RFX7: variants seen among roughly 807,000 people sequenced by gnomAD.
The protein encoded by RFX7 is DNA-binding protein RFX7.
RFX7 carries 26 observed loss-of-function variants against 111.8 expected under a neutral mutation model. That is an observed-to-expected ratio of 0.23 (90% CI 0.17 to 0.32). The LOEUF is 0.32. RFX7 is among the 10% of genes least tolerant of loss of function. The pLI is 1.00. For synonymous variants in RFX7, 624 were observed against 624.4 expected (o/e 1.00, Z 0.01); for missense variants, 1,573 against 1,772.9 (o/e 0.89, Z 2.02).
At chr15:56,238,839 T>C (rs1293497542) in intron 2 of RFX7, among the ~76,000 whole-genome samples, 1 of 152,180 alleles carries the variant, frequency 6.6e-6, no homozygotes, top group African/African-American at 2.4e-5. Flanking sequence ...TTATTATTTT[T>C]AGTTTTTTAT....
chr15:56,108,621 C>G (rs569173023), intron 5 of RFX7, among the ~76,000 whole-genome samples: 3 of 152,250 alleles, frequency 2.0e-5, no homozygotes, highest in Non-Finnish European at 4.4e-5. Context: ...TGGAAGCATT[C>G]CTTTTGAAAA....
chr15:56,168,178 T>C (rs1307439607), intron 3 of RFX7, among the ~76,000 whole-genome samples: 2 of 152,188 alleles, frequency 1.3e-5, no homozygotes, highest in East Asian at 1.9e-4. Context: ...ATCTGCAAAA[T>C]GACAATGATG....
intron 2 of RFX7, among the ~76,000 whole-genome samples, chr15:56,206,874 G>T (rs1378649253): frequency 6.6e-6 from 1 of 151,884 alleles, no homozygotes; most frequent in African/African-American, 2.4e-5. Context: ...TTGGGGTTGG[G>T]GGTGGGGTGT....
chr15:56,200,884 A>G (rs959536678), intron 2 of RFX7, among the ~76,000 whole-genome samples: 4 of 152,158 alleles, frequency 2.6e-5, no homozygotes, highest in Admixed American at 2.6e-4. Flanking sequence ...AATTTTTTGA[A>G]TGTACTTTAG....
chr15:56,153,908 A>C (rs1214494622), intron 3 of RFX7, among the ~76,000 whole-genome samples: 7 of 152,226 alleles, frequency 4.6e-5, no homozygotes, highest in African/African-American at 1.4e-4. Context: ...ATCTCAGCCC[A>C]AAATCTCCTT....
intron 3 of RFX7, among the ~76,000 whole-genome samples, chr15:56,177,307 C>G (rs1209002026): frequency 2.6e-5 from 4 of 152,110 alleles, no homozygotes; most frequent in Non-Finnish European, 4.4e-5. Flanking sequence ...GTTACCCTAC[C>G]CACCATCACT....
intron 5 of RFX7, among the ~76,000 whole-genome samples, chr15:56,142,458 G>GATAC (rs1555421148): frequency 6.6e-6 from 1 of 152,070 alleles, no homozygotes; most frequent in Non-Finnish European, 1.5e-5. Context: ...TCTAACCCCA[G>GATAC]ATACACACTC....
rs112179312 is a variant in RFX7 at position 56,199,669 on chromosome 15, C to G, written c.162-20366G>C. 1.8e-3 allele frequency among the ~76,000 whole-genome samples: 270 copies of G among 152,098 alleles called. 1 individual carries two copies. The highest frequency in any genetic ancestry group is 3.3e-3 in the Non-Finnish European group (226 of 67,986). ...AAATAAATTTATTTAGTAAGAAACA[C>G]CATGGTAAATATAGCAGGAACCAAA... On this transcript the variant is annotated intron_variant, in intron 2 of 9. Coordinates refer to ENST00000559447, the MANE Select transcript of RFX7 (RefSeq NM_022841.7).
intron 2 of RFX7, among the ~76,000 whole-genome samples, chr15:56,189,484 G>A (rs763996130): frequency 6.6e-6 from 1 of 151,432 alleles, no homozygotes; most frequent in Non-Finnish European, 1.5e-5. Context: ...TAAAATACTC[G>A]AAAAACATAT....
chr15:56,145,186 T>TA (rs2042451466), intron 3 of RFX7, among the ~76,000 whole-genome samples: 1 of 152,180 alleles, frequency 6.6e-6, no homozygotes, highest in Non-Finnish European at 1.5e-5. Context: ...TTCCTACCTT[T>TA]CTTCTAAACT....
chr15:56,144,852 G>A (rs1451134764), intron 3 of RFX7, among the ~76,000 whole-genome samples: 5 of 152,092 alleles, frequency 3.3e-5, no homozygotes, highest in South Asian at 2.1e-4. Context: ...TTAACTAACC[G>A]TTAACTGGCT....
intron 5 of RFX7, among the ~76,000 whole-genome samples, chr15:56,127,483 G>T (rs1198085586): frequency 6.8e-6 from 1 of 147,952 alleles, no homozygotes; most frequent in South Asian, 2.1e-4. Flanking sequence ...CTAGTGGAAA[G>T]AAATATAATA....
At chr15:56,141,656 A>AATAAATAAATATATATATATATAT (rs1555421060) in intron 5 of RFX7, among the ~76,000 whole-genome samples, 1 of 83,210 alleles carries the variant, frequency 1.2e-5, no homozygotes, top group Non-Finnish European at 2.2e-5. Context: ...GCTTACTCTA[A>AATAAATAAATATATATATATATAT]ATATATATAT....
intron 5 of RFX7, among the ~76,000 whole-genome samples, chr15:56,127,705 G>T (rs2042162658): frequency 6.6e-6 from 1 of 151,674 alleles, no homozygotes; most frequent in African/African-American, 2.4e-5. Context: ...GCGCCACCAT[G>T]CCCGGCTAAT....
chr15:56,239,984 CT>C (rs5812831), intron 2 of RFX7, among the ~76,000 whole-genome samples: 11,977 of 120,582 alleles, frequency 0.099, 361 homozygotes, highest in African/African-American at 0.13. Flanking sequence ...TTTGGTATTT[CT>C]TTTTTTTTTT....
chr15:56,213,544 G>C (rs1311144669), intron 2 of RFX7, among the ~76,000 whole-genome samples: 1 of 152,198 alleles, frequency 6.6e-6, no homozygotes, highest in Non-Finnish European at 1.5e-5. Context: ...AAGGTAAGAA[G>C]TGGGTAGGGA....
At chr15:56,139,375 A>G (rs188958941) in intron 5 of RFX7, among the ~76,000 whole-genome samples, 83 of 152,138 alleles carry the variant, frequency 5.5e-4, no homozygotes, top group African/African-American at 2.0e-3. Flanking sequence ...TTCATCATCC[A>G]TCGCTGATAC....
At chr15:56,121,136 T>A (rs1384135257) in intron 5 of RFX7, among the ~76,000 whole-genome samples, 2 of 152,232 alleles carry the variant, frequency 1.3e-5, no homozygotes, top group South Asian at 4.1e-4. Context: ...TCTTTCAGAC[T>A]GAAGAACTCT....
chr15:56,111,661 C>CAAAAAAAAAAAAAAAAAAACA (rs2041934695), intron 5 of RFX7, among the ~76,000 whole-genome samples: 62 of 95,384 alleles, frequency 6.5e-4, no homozygotes, highest in South Asian at 1.2e-3. Flanking sequence ...ATAAATAAAC[C>CAAAAAAAAAAAAAAAAAAACA]AAAAAAAAAA....
Sources: allele counts gnomAD v4.1 joint callset (sites outside exome capture counted in the v4.1 genomes callset), GRCh38; gene constraint gnomAD v4.1.1; transcripts MANE v1.5; gene names NCBI Gene and HGNC (gene_info 2026-07-23, HGNC 2026-07-21).